GAREM1: variants seen among roughly 807,000 people sequenced by gnomAD.
GAREM1 encodes GRB2 associated regulator of MAPK1 subtype 1.
GAREM1 carries 26 observed loss-of-function variants against 71.3 expected under a neutral mutation model. The observed-to-expected ratio is 0.36, with a 90% CI of 0.27 to 0.51. The LOEUF (loss-of-function observed/expected upper bound fraction) is 0.51. Ranked by LOEUF, GAREM1 falls within the 20% of genes least tolerant of loss-of-function variation. GAREM1 has a pLI of 0.95. For synonymous variants in GAREM1, 440 were observed against 433.2 expected (o/e 1.02, Z -0.20); for missense variants, 1,026 against 1,103.1 (o/e 0.93, Z 0.99).
chr18:32,391,751 T>C (rs1046601539), intron 2 of GAREM1, among the ~76,000 whole-genome samples: 21 of 152,186 alleles, frequency 1.4e-4, no homozygotes, highest in Non-Finnish European at 1.5e-4. Context: ...TATACATTTC[T>C]CTTTTTCCAT....
chr18:32,324,776 A>G (rs2144545529), intron 2 of GAREM1, among the ~76,000 whole-genome samples: 1 of 152,366 alleles, frequency 6.6e-6, no homozygotes, highest in South Asian at 2.1e-4. Context: ...CGGCAAGGCA[A>G]TCAAGCCATG....
chr18:32,300,925 AAG>A (rs2047195281), intron 3 of GAREM1, among the ~76,000 whole-genome samples: 3 of 151,296 alleles, frequency 2.0e-5, no homozygotes, highest in Non-Finnish European at 2.9e-5. Flanking sequence ...AAAAAAAAAA[AAG>A]AAGAAGGCAC....
chr18:32,398,083 G>A (rs1167138676), intron 1 of GAREM1, among the ~76,000 whole-genome samples: 1 of 152,164 alleles, frequency 6.6e-6, no homozygotes, highest in Non-Finnish European at 1.5e-5. Flanking sequence ...ATAACAAAAT[G>A]AAGGCAGAAA....
intron 2 of GAREM1, among the ~76,000 whole-genome samples, chr18:32,387,278 T>C (rs759701063): frequency 1.3e-4 from 20 of 152,192 alleles, no homozygotes; most frequent in South Asian, 2.1e-4. Context: ...TAATATTTGC[T>C]TTTGTTTAAT....
At chr18:32,404,411 G>A (rs536915190) in intron 1 of GAREM1, among the ~76,000 whole-genome samples, 1 of 151,592 alleles carries the variant, frequency 6.6e-6, no homozygotes, top group African/African-American at 2.4e-5. Context: ...ACACGCTCAT[G>A]TTGGGTTTTT....
In GAREM1 at chr18:32,308,368, T is replaced by C. The variant is rs1221170219; in HGVS notation, c.393+1825A>G. ...AAGCTGCTAGAGGCATTTAAAAAAA[T>C]AGTATACATGAGCAATATGTGGCAA... On this transcript the variant is annotated intron_variant, in intron 3 of 5. Transcript: ENST00000269209. Among the ~76,000 whole-genome samples the C allele has an allele frequency of 2.0e-5, 3 of 150,348 alleles. 1 individual carries two copies. In the East Asian group the frequency reaches 5.8e-4, roughly 29 times the overall value.
intron 1 of GAREM1, among the ~76,000 whole-genome samples, chr18:32,449,452 C>T (rs1315314824): frequency 6.6e-6 from 1 of 152,036 alleles, no homozygotes; most frequent in Non-Finnish European, 1.5e-5. Flanking sequence ...TTTAGGAGGC[C>T]GAGGCAAGTG....
At chr18:32,469,255 AACCCT>A (rs1468631174) in intron 1 of GAREM1, among the ~76,000 whole-genome samples, 1 of 152,188 alleles carries the variant, frequency 6.6e-6, no homozygotes, top group Non-Finnish European at 1.5e-5. Flanking sequence ...AACAAGGAGT[AACCCT>A]AGTGCCTGTG....
At position 32,412,564 on chromosome 18, in the gene GAREM1, C is replaced by A. The variant is rs2048430859; in HGVS notation, c.122-19529G>T. ...TTCCCACCGAAACCACCTCCACGAC[C>A]ACCACCAAAGTTTCCAGAACCACTT... On this transcript the variant is annotated intron_variant, in intron 1 of 5. Coordinates refer to ENST00000269209, the MANE Select transcript of GAREM1 (RefSeq NM_001242409.2). The A allele has an allele frequency of 1.8e-5, 29 of 1,595,534 alleles. No homozygotes were observed. The South Asian group carries it at 3.0e-4, about 16-fold the overall frequency.
chr18:32,419,538 G>A (rs2048500855), intron 1 of GAREM1, among the ~76,000 whole-genome samples: 2 of 152,044 alleles, frequency 1.3e-5, no homozygotes, highest in South Asian at 2.1e-4. Flanking sequence ...TGACCATACT[G>A]GCACTGTGAT....
At chr18:32,468,967 C>G (rs113516745) in intron 1 of GAREM1, among the ~76,000 whole-genome samples, 11 of 128,426 alleles carry the variant, frequency 8.6e-5, no homozygotes, top group East Asian at 2.9e-4. Flanking sequence ...GCGTCCCCCC[C>G]CCCCGCCCCC....
chr18:32,364,907 TCAAA>T (rs903753858), intron 2 of GAREM1, among the ~76,000 whole-genome samples: 15 of 150,538 alleles, frequency 1.0e-4, no homozygotes, highest in African/African-American at 2.2e-4. Context: ...CACACACAAA[TCAAA>T]CACTTTATGT....
chr18:32,426,616 T>C (rs965036100), intron 1 of GAREM1, among the ~76,000 whole-genome samples: 5 of 152,198 alleles, frequency 3.3e-5, no homozygotes, highest in Admixed American at 1.3e-4. Flanking sequence ...TCTTTTTCTA[T>C]AGAAATTCCT....
chr18:32,393,701 T>A (rs922330142), intron 1 of GAREM1, among the ~76,000 whole-genome samples: 3 of 152,240 alleles, frequency 2.0e-5, no homozygotes, highest in African/African-American at 7.2e-5. Context: ...TAATGATTTA[T>A]AGCATACAAA....
intron 1 of GAREM1, among the ~76,000 whole-genome samples, chr18:32,430,339 T>C (rs2048611781): frequency 6.6e-6 from 1 of 152,200 alleles, no homozygotes; most frequent in African/African-American, 2.4e-5. Context: ...AGAAACAGTG[T>C]TTCTGACTTC....
At chr18:32,344,790 G>A (rs541459956) in intron 2 of GAREM1, among the ~76,000 whole-genome samples, 16 of 152,246 alleles carry the variant, frequency 1.1e-4, no homozygotes, top group East Asian at 3.9e-4. Context: ...GGCCGGGCAC[G>A]GTGGCTCACG....
In GAREM1 at chr18:32,470,189, G is replaced by C. The variant is rs1312439142; in HGVS notation, c.121+119C>G. 2 of 1,232,122 alleles carry C rather than the reference G, an allele frequency of 1.6e-6. No individual in the cohort carries two copies. The highest frequency in any genetic ancestry group is 2.5e-5 in the South Asian group (1 of 39,430). 76.3% of individuals were successfully genotyped at this position (1,232,122 alleles called of 1,614,324 possible). On this transcript the variant is annotated intron_variant, in intron 1 of 5. Transcript: ENST00000269209. The surrounding 1 kb of genome is among the most constrained non-coding windows in gnomAD (Gnocchi z 4.4). ...TGCGGCAGCCGCTCGGGCCAACTCC[G>C]GCGCTCAGGGGCGGGCAGCCCACTC...
intron 1 of GAREM1, among the ~76,000 whole-genome samples, chr18:32,413,652 G>T (rs1198305925): frequency 6.6e-6 from 1 of 152,112 alleles, no homozygotes; most frequent in African/African-American, 2.4e-5. Flanking sequence ...GGTCTATAAA[G>T]ATATAATAGG....
chr18:32,375,350 G>A (rs577230119), intron 2 of GAREM1, among the ~76,000 whole-genome samples: 3 of 152,284 alleles, frequency 2.0e-5, no homozygotes, highest in South Asian at 4.1e-4. Flanking sequence ...TGGTGAGGCT[G>A]TAAAACCTAA....
Sources: allele counts gnomAD v4.1 joint callset (sites outside exome capture counted in the v4.1 genomes callset), GRCh38; gene constraint gnomAD v4.1.1; non-coding constraint Gnocchi (gnomAD v3.1); transcripts MANE v1.5; gene names NCBI Gene and HGNC (gene_info 2026-07-23, HGNC 2026-07-21).